PCDH15: variants seen among roughly 807,000 people sequenced by gnomAD.
PCDH15 encodes the protein protocadherin related 15, also known as protocadherin-15.
A neutral mutation model predicts 178.5 loss-of-function variants in PCDH15; 129 were observed. The observed-to-expected ratio is 0.72, with a 90% CI of 0.63 to 0.84. PCDH15 has a LOEUF of 0.84. Among genes scored for constraint, PCDH15 ranks in the 40% least tolerant of loss-of-function variants. The pLI is 0.00. For missense variants in PCDH15, 2,230 were observed against 2,099.9 expected (o/e 1.06, Z -1.21); for synonymous variants, 800 against 732.0 (o/e 1.09, Z -1.50).
intron 18 of PCDH15, among the ~76,000 whole-genome samples, chr10:54,042,221 T>G (rs1030305656): frequency 6.6e-6 from 1 of 152,052 alleles, no homozygotes; most frequent in Non-Finnish European, 1.5e-5. Flanking sequence ...GGAATCCTAT[T>G]AATTAGGACT....
intron 3 of PCDH15, among the ~76,000 whole-genome samples, chr10:54,429,252 A>G (rs1956663917): frequency 6.6e-6 from 1 of 152,150 alleles, no homozygotes; most frequent in Non-Finnish European, 1.5e-5. Context: ...AACCAGTGTA[A>G]AATTGTCATC....
At chr10:55,381,236 A>G (rs547647994) in intron 2 of PCDH15, among the ~76,000 whole-genome samples, 2 of 152,294 alleles carry the variant, frequency 1.3e-5, no homozygotes, top group Admixed American at 6.5e-5. Flanking sequence ...GGTCCTGTAG[A>G]CAGAATCAAT....
At chr10:54,196,375 C>T (rs2049655878) in intron 10 of PCDH15, among the ~76,000 whole-genome samples, 1 of 152,050 alleles carries the variant, frequency 6.6e-6, no homozygotes, top group South Asian at 2.1e-4. Flanking sequence ...ATCTCCTGAC[C>T]TCGTGATCCG....
At chr10:54,660,881 G>A (rs1590897806) in intron 2 of PCDH15, among the ~76,000 whole-genome samples, 1 of 151,808 alleles carries the variant, frequency 6.6e-6, no homozygotes, top group Non-Finnish European at 1.5e-5. Flanking sequence ...CTCAATACCT[G>A]CAGAAAAAAC....
intron 2 of PCDH15, among the ~76,000 whole-genome samples, chr10:55,108,123 C>G (rs909022532): frequency 4.6e-5 from 7 of 152,218 alleles, no homozygotes; most frequent in Non-Finnish European, 1.0e-4. Context: ...AGGAATCAGG[C>G]CTTCATCAGA....
At chr10:54,457,258 A>C (rs2076886146) in intron 3 of PCDH15, among the ~76,000 whole-genome samples, 1 of 152,194 alleles carries the variant, frequency 6.6e-6, no homozygotes, top group Non-Finnish European at 1.5e-5. Flanking sequence ...ACGAGCTATC[A>C]ACATCAGCCC....
chr10:55,306,161 C>T (rs553762923), intron 1 of PCDH15, among the ~76,000 whole-genome samples: 7 of 152,066 alleles, frequency 4.6e-5, no homozygotes, highest in Admixed American at 6.6e-5. Context: ...AAGAGTTTAC[C>T]GTAAGGTAAA....
At chr10:54,395,450 C>CACA (rs1951089053) in intron 3 of PCDH15, among the ~76,000 whole-genome samples, 8 of 121,924 alleles carry the variant, frequency 6.6e-5, no homozygotes, top group South Asian at 2.5e-4. Flanking sequence ...ACACACACAC[C>CACA]CACATTAAGA....
At chr10:53,930,029 G>A (rs1020158269) in intron 25 of PCDH15, among the ~76,000 whole-genome samples, 1 of 152,082 alleles carries the variant, frequency 6.6e-6, no homozygotes, top group Admixed American at 6.5e-5. Context: ...TCTGGGTACA[G>A]GCTTCTTGAA....
chr10:54,149,829 T>A (rs913852899), intron 14 of PCDH15, among the ~76,000 whole-genome samples: 8 of 152,112 alleles, frequency 5.3e-5, no homozygotes, highest in African/African-American at 1.7e-4. Flanking sequence ...GAGATTGCAG[T>A]GGCTTGGACT....
At chr10:54,065,440 T>C (rs1470508064) in intron 18 of PCDH15, among the ~76,000 whole-genome samples, 1 of 152,200 alleles carries the variant, frequency 6.6e-6, no homozygotes, top group African/African-American at 2.4e-5. Flanking sequence ...TACATGAATA[T>C]TTTGTGTCCA....
chr10:53,925,135 T>C (rs2084394646), intron 25 of PCDH15, among the ~76,000 whole-genome samples: 2 of 152,098 alleles, frequency 1.3e-5, no homozygotes, highest in Non-Finnish European at 2.9e-5. Context: ...TGTGGAAGCT[T>C]CATTCTTTCA....
In PCDH15 at chr10:55,577,139, G is replaced by C. The variant is rs11004916; in HGVS notation, c.-156+50486C>G. 5.9e-3 allele frequency among the ~76,000 whole-genome samples: 891 copies of C among 152,216 alleles called. 3 individuals carry two copies. The highest frequency in any genetic ancestry group is 0.014 in the Middle Eastern group (4 of 294). On this transcript the variant is annotated intron_variant, in intron 2 of 5. Transcript: ENST00000613346. ...CGCCTGTAGTCCCAGCTACTCGGGA[G>C]GCTGAGGCAGAAAAATTATTTGAAC...
In PCDH15 at chr10:55,587,065, T is replaced by C. The variant is rs114362979; in HGVS notation, c.-156+40560A>G. 7.4e-3 allele frequency among the ~76,000 whole-genome samples: 1,133 copies of C among 152,224 alleles called. 16 individuals carry two copies. Among genetic ancestry groups the C allele is most frequent in the African/African-American group, 0.026 (1,096 of 41,564 alleles). On this transcript the variant is annotated intron_variant, in intron 2 of 5. Coordinates refer to the PCDH15 transcript ENST00000613346. ...TCACTTAAAATTTGTTTTTAAGCTT[T>C]CTGAATGTTCTCTCAAAGATAAAGA...
chr10:55,300,290 C>A (rs1365232461), intron 1 of PCDH15, among the ~76,000 whole-genome samples: 1 of 152,130 alleles, frequency 6.6e-6, no homozygotes, highest in Non-Finnish European at 1.5e-5. Flanking sequence ...TACATACAGA[C>A]ACCATCTAAA....
intron 3 of PCDH15, among the ~76,000 whole-genome samples, chr10:54,421,841 C>T (rs1313746349): frequency 0.041 from 2,770 of 66,846 alleles, 71 homozygotes; most frequent in Middle Eastern, 0.059. Context: ...TATATATACA[C>T]ACACACTATA....
rs764187994 is a variant in PCDH15, at chr10:54,152,829, C to G, written c.1784+271G>C. On this transcript the variant is annotated intron_variant, in intron 14 of 37. Coordinates refer to ENST00000644397, the MANE Select transcript of PCDH15 (RefSeq NM_001384140.1). ...CCTGAGACATTACATGCCACTGACA[C>G]ATCTGTTAATTTCTTTGAAGAAAAG... Among the ~76,000 whole-genome samples, 4 of 152,056 alleles carry G rather than the reference C, an allele frequency of 2.6e-5. No homozygotes were observed. In the South Asian group the frequency reaches 8.3e-4, roughly 32 times the overall value.
chr10:54,429,993 G>C (rs1272243838), intron 3 of PCDH15, among the ~76,000 whole-genome samples: 1 of 149,332 alleles, frequency 6.7e-6, no homozygotes, highest in Non-Finnish European at 1.5e-5. Flanking sequence ...GGATCTAATA[G>C]ATATTTACAG....
intron 21 of PCDH15, among the ~76,000 whole-genome samples, chr10:53,971,678 C>T (rs10740565): frequency 0.7 from 107,118 of 151,942 alleles, 38,140 homozygotes; most frequent in East Asian, 0.87. Flanking sequence ...TGAGTGAATT[C>T]CCATTCACAA....
Sources: allele counts gnomAD v4.1 joint callset (sites outside exome capture counted in the v4.1 genomes callset), GRCh38; gene constraint gnomAD v4.1.1; transcripts MANE v1.5; gene names NCBI Gene and HGNC (gene_info 2026-07-23, HGNC 2026-07-21).